Variants in VAV2 observed in about 807,000 individuals in gnomAD.
VAV2 encodes guanine nucleotide exchange factor VAV2.
Under a neutral mutation model 132.5 loss-of-function variants are expected in VAV2, and 67 were observed. The ratio of observed to expected loss-of-function variants is 0.51; its 90% CI spans 0.42 to 0.62. VAV2 has a LOEUF of 0.62. VAV2 is among the 20% of genes least tolerant of loss of function. The probability of loss-of-function intolerance (pLI) is 0.00; values close to 1 mark genes in which losing one functional copy is unlikely to be tolerated. For missense variants in VAV2, 938 were observed against 1,153.6 expected, an observed-to-expected ratio of 0.81 and a Z score of 2.71; for synonymous variants, 492 against 443.5, an observed-to-expected ratio of 1.11 and a Z score of -1.37.
chr9:133,983,259 CAT>C (rs562027649), intron 1 of VAV2, among the ~76,000 whole-genome samples: 67 of 152,326 alleles, frequency 4.4e-4, no homozygotes, highest in African/African-American at 1.4e-3. Flanking sequence ...CAGGGACAAA[CAT>C]GTGTCCCTAC....
Position 133,764,013 on chromosome 9 carries a change from G to A in VAV2, c.*49C>T, listed in dbSNP as rs1398550202. On this transcript the variant is annotated 3_prime_UTR_variant, in exon 30 of 30. Transcript: ENST00000371850. The stretch of plus-strand genomic sequence containing the variant: ...GGAGCTAGAGACAGACTTCAGGGCT[G>A]GAGTGACTCTCCCAAGAAAATCTGC... The A allele has an allele frequency of 1.1e-5, 17 of 1,609,498 alleles. No homozygotes were observed. Among genetic ancestry groups the A allele is most frequent in the Middle Eastern group, 1.7e-4 (1 of 6,040 alleles).
intron 2 of VAV2, among the ~76,000 whole-genome samples, chr9:133,888,352 A>G (rs905101059): frequency 1.3e-5 from 2 of 150,426 alleles, no homozygotes; most frequent in African/African-American, 4.9e-5. Context: ...TAAGAAGCTA[A>G]ATGCTATGTT....
chr9:133,988,236 A>C (rs1842915968), intron 1 of VAV2, among the ~76,000 whole-genome samples: 1 of 147,020 alleles, frequency 6.8e-6, no homozygotes, highest in Non-Finnish European at 1.5e-5. Flanking sequence ...CCCACCCCCC[A>C]CCCCTGCCAC....
chr9:133,772,050 A>G lies in VAV2; in HGVS notation c.2136-4T>C. On this transcript the variant is annotated splice_polypyrimidine_tract_variant and splice_region_variant and intron_variant, in intron 25 of 29. Transcript: ENST00000371850. ...GTGCTTCACCTCATCATTGAACCTG[A>G]GCAAACACACGGCCCCGGCGGTCAC... 2 of 1,096,890 alleles carry G rather than the reference A, an allele frequency of 1.8e-6. No individual in the cohort carries two copies. Among genetic ancestry groups the G allele is most frequent in the Non-Finnish European group, 2.5e-6 (2 of 797,832 alleles). 67.9% of individuals were successfully genotyped at this position (1,096,890 alleles called of 1,614,324 possible). A position where few individuals can be genotyped will look rare whatever the true frequency, so the allele number is the denominator to read the frequency against.
intron 3 of VAV2, among the ~76,000 whole-genome samples, chr9:133,852,870 T>C (rs1050008718): frequency 6.6e-6 from 1 of 152,034 alleles, no homozygotes; most frequent in African/African-American, 2.4e-5. Flanking sequence ...TGCTGACCCA[T>C]TGGGCCCCCC....
chr9:133,898,955 G>A (rs1276292151), intron 2 of VAV2, among the ~76,000 whole-genome samples: 2 of 151,516 alleles, frequency 1.3e-5, no homozygotes, highest in East Asian at 4.0e-4. Flanking sequence ...CCCAATAGCT[G>A]GGACTACAGG....
intron 1 of VAV2, among the ~76,000 whole-genome samples, chr9:133,979,189 G>C (rs953015763): frequency 1.3e-5 from 2 of 152,220 alleles, no homozygotes; most frequent in African/African-American, 2.4e-5. Flanking sequence ...TGTCCGCCGA[G>C]CACTTCCCAC....
intron 2 of VAV2, among the ~76,000 whole-genome samples, chr9:133,870,762 CAGAT>C (rs554938872): frequency 1.7e-3 from 213 of 127,820 alleles, no homozygotes; most frequent in African/African-American, 6.3e-3. Context: ...GGTGGATGGA[CAGAT>C]GGATGGATAA....
chr9:133,948,043 G>A (rs1331321642), intron 1 of VAV2, among the ~76,000 whole-genome samples: 3 of 152,112 alleles, frequency 2.0e-5, no homozygotes, highest in South Asian at 2.1e-4. Context: ...CACCTGCCTC[G>A]GCCTCCCAAA....
intron 2 of VAV2, among the ~76,000 whole-genome samples, chr9:133,880,774 G>T (rs1285726575): frequency 6.6e-6 from 1 of 152,234 alleles, no homozygotes; most frequent in African/African-American, 2.4e-5. Flanking sequence ...TTTTGCACTA[G>T]CTTCTCAATT....
At chr9:133,774,610 A>G (rs1441466191) in intron 25 of VAV2, among the ~76,000 whole-genome samples, 11 of 152,132 alleles carry the variant, frequency 7.2e-5, no homozygotes, top group Non-Finnish European at 1.6e-4. Flanking sequence ...GAAATCCCTG[A>G]GCTCACACAG....
intron 12 of VAV2, among the ~76,000 whole-genome samples, chr9:133,792,473 G>A (rs1000356405): frequency 1.3e-5 from 2 of 150,212 alleles, no homozygotes; most frequent in African/African-American, 2.5e-5. Context: ...GATTGTGTGT[G>A]TGATTGTGTG....
At chr9:133,814,427 T>C (rs1048955963) in intron 4 of VAV2, among the ~76,000 whole-genome samples, 36 of 152,210 alleles carry the variant, frequency 2.4e-4, no homozygotes, top group African/African-American at 6.0e-4. Flanking sequence ...GCAAAGCCTC[T>C]GTCGAAAACT....
At chr9:133,876,438 G>A (rs1202301439) in intron 2 of VAV2, among the ~76,000 whole-genome samples, 2 of 152,246 alleles carry the variant, frequency 1.3e-5, no homozygotes, top group Non-Finnish European at 2.9e-5. Flanking sequence ...CAGGCCCCCT[G>A]GGACTGAGGG....
chr9:133,956,255 C>A (rs541197087), intron 1 of VAV2, among the ~76,000 whole-genome samples: 1 of 152,184 alleles, frequency 6.6e-6, no homozygotes, highest in East Asian at 1.9e-4. Context: ...TCGATGATCT[C>A]CAGAGGTGCC....
intron 2 of VAV2, among the ~76,000 whole-genome samples, chr9:133,903,922 A>G (rs1349707327): frequency 2.0e-5 from 3 of 152,244 alleles, no homozygotes; most frequent in Admixed American, 6.5e-5. Flanking sequence ...GGCAACTTAC[A>G]AGAACATGTT....
intron 2 of VAV2, among the ~76,000 whole-genome samples, chr9:133,925,621 T>C (rs1456015796): frequency 6.6e-6 from 1 of 152,160 alleles, no homozygotes; most frequent in Non-Finnish European, 1.5e-5. Context: ...GTTTCGCCAC[T>C]GCCCTTGCTG....
At chr9:133,837,808 C>G (rs1836531650) in intron 3 of VAV2, among the ~76,000 whole-genome samples, 1 of 152,102 alleles carries the variant, frequency 6.6e-6, no homozygotes, top group African/African-American at 2.4e-5. Context: ...TTGTTCAACC[C>G]CTACTGTCAT....
Position 133,939,140 on chromosome 9 carries a change from T to A in VAV2, c.284A>T (p.Asp95Val). ...KFGLRNSELFDPFDLFDVRDF... is the reference protein window; with the variant it reads ...KFGLRNSELFVPFDLFDVRDF... ...TCGCACATCGAAGAGGTCAAAGGGG[T>A]CAAACAGCTCGCTGTTCCTTAATCC... Residue 95 changes from aspartate (D) to valine (V), a missense_variant, in exon 2 of 30, where the codon GAC becomes GTC. Asp to Val is a radical substitution (Grantham distance 152). Transcript: ENST00000371850. 6.2e-7 allele frequency: 1 copy of A among 1,614,122 alleles called. No homozygotes were observed. The highest frequency in any genetic ancestry group is 8.5e-7 in the Non-Finnish European group (1 of 1,180,020).
Sources: allele counts gnomAD v4.1 joint callset (sites outside exome capture counted in the v4.1 genomes callset), GRCh38; gene constraint gnomAD v4.1.1; transcripts MANE v1.5; gene names NCBI Gene and HGNC (gene_info 2026-07-23, HGNC 2026-07-21).